OTUD7B: variants seen among roughly 807,000 people sequenced by gnomAD.
OTUD7B encodes the protein OTU domain-containing protein 7B.
A neutral mutation model predicts 82.2 loss-of-function variants in OTUD7B; 34 were observed. The ratio of observed to expected loss-of-function variants is 0.41; its 90% CI spans 0.31 to 0.55. The LOEUF (loss-of-function observed/expected upper bound fraction) is 0.55, where lower values mean the gene tolerates loss of function less well. Among genes scored for constraint, OTUD7B ranks in the 20% least tolerant of loss-of-function variants. The probability of loss-of-function intolerance (pLI) is 0.20; values close to 1 mark genes in which losing one functional copy is unlikely to be tolerated. For missense variants in OTUD7B, 944 were observed against 1,062.1 expected, an observed-to-expected ratio of 0.89 and a Z score of 1.55; for synonymous variants, 398 against 402.7, an observed-to-expected ratio of 0.99 and a Z score of 0.14.
chr1:149,945,065 C>A lies in OTUD7B; in HGVS notation c.1324G>T (p.Ala442Ser), dbSNP rs1553771819. 3 of 1,612,032 alleles carry A rather than the reference C, an allele frequency of 1.9e-6. No homozygotes were observed. In the Admixed American group the frequency reaches 5.0e-5, roughly 27 times the overall value. The change falls in exon 12 of 12, where the codon GCT (alanine) becomes TCT (serine). Residue 442 changes from alanine to serine, a missense_variant and splice_region_variant. By Grantham distance (99) the Ala-to-Ser change is moderately conservative (BLOSUM62 1). Coordinates refer to ENST00000581312, the MANE Select transcript of OTUD7B (RefSeq NM_020205.4). ...KWIPLSSDAQ[A>S]PLAQPESPTA... The stretch of plus-strand genomic sequence containing the variant: ...GGGGACTCAGGCTGGGCCAGAGGAG[C>A]CTGGAAGAGACAAGAACACTGTTGA...
At chr1:150,060,243 G>A in the OTUD7B span, among the ~76,000 whole-genome samples, 1 of 152,186 alleles carries the variant, frequency 6.6e-6, no homozygotes. Flanking sequence ...CAAAATTCCT[G>A]TGTTGAAGTC....
At position 149,940,793 on chromosome 1, in the gene OTUD7B, A is replaced by G. The variant is rs1553770264; in HGVS notation, c.*3064T>C. 6.6e-6 allele frequency: 1 copy of G among 151,516 alleles called. No individual in the cohort carries two copies. The highest frequency in any genetic ancestry group is 1.5e-5 in the Non-Finnish European group (1 of 67,858). The allele number at this position is 151,516 out of a possible 1,614,324, so 9.4% of individuals were successfully genotyped here. On this transcript the variant is annotated 3_prime_UTR_variant, in exon 12 of 12. Transcript: ENST00000581312. Reference sequence around the variant, plus strand: ...GTAACGACATGGGCTTGCCTCTTCTATTCCCTCATCTTCCCAAAATACCAC... The same window carrying G: ...GTAACGACATGGGCTTGCCTCTTCTGTTCCCTCATCTTCCCAAAATACCAC...
chr1:150,056,500 TA>T, the OTUD7B span, among the ~76,000 whole-genome samples: 1 of 152,168 alleles, frequency 6.6e-6, no homozygotes, highest in Non-Finnish European at 1.5e-5. Flanking sequence ...ATAGCTAGGC[TA>T]AAGACTACTT....
chr1:149,955,485 G>A (rs1553774377), intron 7 of OTUD7B, among the ~76,000 whole-genome samples: 1 of 152,204 alleles, frequency 6.6e-6, no homozygotes, highest in Non-Finnish European at 1.5e-5. Flanking sequence ...TTTGGAATAA[G>A]TGTGATGTGG....
intron 10 of OTUD7B, among the ~76,000 whole-genome samples, chr1:149,947,992 T>A (rs1377192085): frequency 6.6e-6 from 1 of 152,180 alleles, no homozygotes; most frequent in Non-Finnish European, 1.5e-5. Flanking sequence ...TATTTATTTA[T>A]TTTTTGGATG....
chr1:150,054,273 GA>G, the OTUD7B span: 1 of 473,274 alleles, frequency 2.1e-6, no homozygotes. Flanking sequence ...CAGCACATGA[GA>G]AAACTGTGAG....
chr1:149,992,092 G>A (rs587680143), intron 1 of OTUD7B, among the ~76,000 whole-genome samples: 1 of 152,188 alleles, frequency 6.6e-6, no homozygotes, highest in Non-Finnish European at 1.5e-5. Flanking sequence ...GCTGGGCATG[G>A]TGCACACCTG....
chr1:149,989,363 C>G lies in OTUD7B; in HGVS notation c.-66-11787G>C, dbSNP rs140990057. Among the ~76,000 whole-genome samples the G allele has an allele frequency of 6.8e-3, 1,031 of 151,318 alleles. 20 individuals carry two copies. The highest frequency in any genetic ancestry group is 0.024 in the African/African-American group (1,005 of 41,238). On this transcript the variant is annotated intron_variant, in intron 1 of 11. Coordinates refer to ENST00000581312, the MANE Select transcript of OTUD7B (RefSeq NM_020205.4). ...TGGTGGGCACCTGTAATCCCAGCTA[C>G]TCGGGAGGCTGAGGCAGGAGAATTG...
chr1:150,025,432 AAC>A, the OTUD7B span, among the ~76,000 whole-genome samples: 9,438 of 146,724 alleles, frequency 0.064, 366 homozygotes, highest in Middle Eastern at 0.16. Flanking sequence ...AAGCAAACAA[AAC>A]ACACACACAC....
rs1198812759 is a variant in OTUD7B, at chr1:149,938,517, C to G, written c.*5340G>C. 1 of 128,978 alleles carries G rather than the reference C, an allele frequency of 7.8e-6. No individual in the cohort carries two copies. Among genetic ancestry groups the G allele is most frequent in the Admixed American group, 8.3e-5 (1 of 12,082 alleles). The allele number at this position is 128,978 out of a possible 1,614,324, so 8.0% of individuals were successfully genotyped here. ...GAGGTGTGTACCATAACTTTTAAATCCCATTATCCACTTTCCTTCTCACCA... is the reference window on the plus strand; with the variant it reads ...GAGGTGTGTACCATAACTTTTAAATGCCATTATCCACTTTCCTTCTCACCA... On this transcript the variant is annotated 3_prime_UTR_variant, in exon 12 of 12. Transcript: ENST00000581312.
At position 149,941,072 on chromosome 1, in the gene OTUD7B, T is replaced by A. The variant is rs2101699753; in HGVS notation, c.*2785A>T. The A allele has an allele frequency of 6.6e-6, 1 of 152,294 alleles. No homozygotes were observed. Among genetic ancestry groups the A allele is most frequent in the Non-Finnish European group, 1.5e-5 (1 of 68,024 alleles). 9.4% of individuals were successfully genotyped at this position (152,294 alleles called of 1,614,324 possible). On this transcript the variant is annotated 3_prime_UTR_variant, in exon 12 of 12. Coordinates refer to ENST00000581312, the MANE Select transcript of OTUD7B (RefSeq NM_020205.4). ...TAAGGCCTAAAGCCCCATTTTACCA[T>A]ATTCACCCCTAGACCACCCCTCAAA... is the stretch of plus-strand genomic sequence containing the variant.
the OTUD7B span, among the ~76,000 whole-genome samples, chr1:150,060,515 C>T: frequency 2.0e-5 from 3 of 152,146 alleles, no homozygotes; most frequent in African/African-American, 4.8e-5. Context: ...TGAGGAAATA[C>T]GTTTCTATTG....
intron 7 of OTUD7B, among the ~76,000 whole-genome samples, chr1:149,953,269 T>G (rs1314560908): frequency 6.6e-6 from 1 of 152,242 alleles, no homozygotes; most frequent in Non-Finnish European, 1.5e-5. Context: ...TACCTATGGC[T>G]AGCCAGTTTT....
At chr1:150,000,710 G>A (rs1367489947) in intron 1 of OTUD7B, among the ~76,000 whole-genome samples, 2 of 152,102 alleles carry the variant, frequency 1.3e-5, no homozygotes, top group African/African-American at 4.8e-5. Context: ...CAGGCATGGT[G>A]GCTCATGCCT....
the OTUD7B span, among the ~76,000 whole-genome samples, chr1:150,018,657 T>C: frequency 6.6e-6 from 1 of 152,180 alleles, no homozygotes; most frequent in East Asian, 1.9e-4. Flanking sequence ...GAAGTTTTCA[T>C]GAAGAAGACT....
chr1:150,011,083 G>C (rs1307596344), upstream of OTUD7B, among the ~76,000 whole-genome samples: 3 of 152,166 alleles, frequency 2.0e-5, no homozygotes, highest in African/African-American at 7.2e-5. Flanking sequence ...AGAATGAAAA[G>C]ACTGACATTC....
chr1:149,952,991 G>A (rs1199269297), intron 7 of OTUD7B, among the ~76,000 whole-genome samples: 4 of 152,174 alleles, frequency 2.6e-5, no homozygotes, highest in Admixed American at 6.5e-5. Flanking sequence ...CTCCCATTCT[G>A]TAGGTTGCCT....
intron 1 of OTUD7B, 99 bp from the exon 2 acceptor site, chr1:149,977,675 A>G: frequency 1.8e-6 from 1 of 565,742 alleles, no homozygotes; most frequent in South Asian, 2.4e-5. Context: ...AAACTATCCT[A>G]GCTCATTCAT....
At chr1:150,053,743 TG>T in the OTUD7B span, 3,345 of 176,564 alleles carry the variant, frequency 0.019, 99 homozygotes, top group African/African-American at 0.074. Context: ...AACGGACATA[TG>T]AAAAAAAGCT....
Sources: allele counts gnomAD v4.1 joint callset (sites outside exome capture counted in the v4.1 genomes callset), GRCh38; gene constraint gnomAD v4.1.1; transcripts MANE v1.5; gene names NCBI Gene and HGNC (gene_info 2026-07-23, HGNC 2026-07-21).